JCAD: variants seen among roughly 807,000 people sequenced by gnomAD.
JCAD encodes the protein junctional cadherin 5-associated protein.
A neutral mutation model predicts 98.0 loss-of-function variants in JCAD; 40 were observed. The ratio of observed to expected loss-of-function variants is 0.41; its 90% CI spans 0.32 to 0.53. JCAD has a LOEUF of 0.53. Ranked by LOEUF, JCAD falls within the 20% of genes least tolerant of loss-of-function variation. The pLI is 0.31. For missense variants in JCAD, 1,705 were observed against 1,738.1 expected (o/e 0.98, Z 0.34); for synonymous variants, 691 against 682.3 (o/e 1.01, Z -0.20).
At chr10:30,070,272 G>A (rs570843672) in intron 1 of JCAD, among the ~76,000 whole-genome samples, 1 of 152,256 alleles carries the variant, frequency 6.6e-6, no homozygotes, top group Non-Finnish European at 1.5e-5. Context: ...TGTCTCTGAG[G>A]CCCTGGTAAC....
intron 1 of JCAD, among the ~76,000 whole-genome samples, chr10:30,071,754 G>C (rs534804955): frequency 6.6e-6 from 1 of 152,130 alleles, no homozygotes; most frequent in East Asian, 1.9e-4. Flanking sequence ...CTCCAGCCTG[G>C]GAGACAGAGT....
chr10:30,027,849 T>C lies in JCAD; in HGVS notation c.2299A>G (p.Thr767Ala), dbSNP rs770495867. ...SPSSNSAFSR[T>A]SLSVDQAPTP... is the part of the protein sequence containing the mutation. ...GGTGCCTGGTCCACGGACAAGGAAG[T>C]CCTTGAGAACGCACTGTTGCTGGAT... Residue 767 changes from threonine (T) to alanine (A), a missense_variant, in exon 3 of 4, where the codon ACT becomes GCT. By Grantham distance (58) the Thr-to-Ala change is moderately conservative. Transcript: ENST00000375377. The C allele has an allele frequency of 6.2e-7, 1 of 1,614,228 alleles. No individual in the cohort carries two copies. Among genetic ancestry groups the C allele is most frequent in the Non-Finnish European group, 8.5e-7 (1 of 1,180,038 alleles).
chr10:30,070,231 A>G (rs1471125843), intron 1 of JCAD, among the ~76,000 whole-genome samples: 2 of 152,354 alleles, frequency 1.3e-5, no homozygotes, highest in African/African-American at 4.8e-5. Context: ...ATCCAAAGCC[A>G]GTGTCTTATC....
At chr10:30,074,592 GCT>G (rs1299425906) in intron 1 of JCAD, among the ~76,000 whole-genome samples, 4 of 152,208 alleles carry the variant, frequency 2.6e-5, no homozygotes, top group Non-Finnish European at 4.4e-5. Context: ...GAGATTGAGT[GCT>G]TTCAGTGTGG....
In JCAD at chr10:30,027,577, G is replaced by A; in HGVS notation, c.2571C>T (p.Ser857=). The change falls in exon 3 of 4, where the codon AGC becomes AGT. Residue 857 remains serine, a synonymous_variant. Transcript: ENST00000375377. ...ESSSSSSSSS[S]SSEESEAEPQ... is the part of the protein sequence containing the mutation. The stretch of plus-strand genomic sequence containing the variant: ...GCTCCGCCTCACTCTCCTCACTGCT[G>A]CTGCTGCTGCTGCTGCTGCTACTGC... The A allele has an allele frequency of 1.2e-6, 2 of 1,611,834 alleles. No homozygotes were observed. Among genetic ancestry groups the A allele is most frequent in the South Asian group, 2.2e-5 (2 of 91,010 alleles).
At chr10:30,098,595 C>G (rs991089643) in intron 1 of JCAD, among the ~76,000 whole-genome samples, 2 of 152,158 alleles carry the variant, frequency 1.3e-5, no homozygotes. Context: ...CTGGATTGTG[C>G]TCAATAAATG....
intron 1 of JCAD, among the ~76,000 whole-genome samples, chr10:30,076,848 G>T (rs903202058): frequency 4.6e-5 from 7 of 152,224 alleles, no homozygotes; most frequent in Admixed American, 2.6e-4. Context: ...AGAAACAAAA[G>T]ACATACTCTA....
In JCAD at chr10:30,047,753, TG is replaced by T. The variant is rs956200761; in HGVS notation, c.59del (p.Pro20GlnfsTer47). 2 of 1,614,182 alleles carry T rather than the reference TG, an allele frequency of 1.2e-6. No homozygotes were observed. Among genetic ancestry groups the T allele is most frequent in the South Asian group, 1.1e-5 (1 of 91,068 alleles). On this transcript the variant is annotated frameshift_variant, in exon 2 of 4. Coordinates refer to ENST00000375377, the MANE Select transcript of JCAD (RefSeq NM_020848.4). LOFTEE classifies it high-confidence loss of function. ...CCTTGGGGTTATCCTCGCGTGATGC[TG>T]GGGGGTCTCTTGACAGCTTGTATCC... ...SHGYKLSRDP[P>X]ASREDNPKGR...
intron 1 of JCAD, among the ~76,000 whole-genome samples, chr10:30,082,783 G>A (rs973909291): frequency 3.3e-5 from 5 of 149,890 alleles, no homozygotes; most frequent in African/African-American, 1.2e-4. Flanking sequence ...CCTGGGATGT[G>A]GAGGTTGCGG....
At position 30,026,151 on chromosome 10, in the gene JCAD, G is replaced by A; in HGVS notation, c.3997C>T (p.Pro1333Ser). 1.9e-6 allele frequency: 3 copies of A among 1,614,180 alleles called. No individual in the cohort carries two copies. The highest frequency in any genetic ancestry group is 2.5e-6 in the Non-Finnish European group (3 of 1,180,042). The change falls in exon 3 of 4, where the codon CCG (proline) becomes TCG (serine). Residue 1333 changes from proline (P) to serine (S), a missense_variant. Pro to Ser is a moderately conservative substitution (Grantham distance 74). This residue lies in a region of JCAD where 1,278 missense variants were observed against 1,243.1 expected (regional missense o/e 1.03). Coordinates refer to ENST00000375377, the MANE Select transcript of JCAD (RefSeq NM_020848.4). Reference sequence around the variant, plus strand: ...ATGCTCTTCTCCTTTTGTGCTGCCGGATGCTCCTTCTCTTCCCTGGAGATG... The same window carrying A: ...ATGCTCTTCTCCTTTTGTGCTGCCGAATGCTCCTTCTCTTCCCTGGAGATG... ...DSISREEKEH[P>S]AAQKEKSMDQ...
At chr10:30,091,100 G>A (rs1452390286) in intron 1 of JCAD, among the ~76,000 whole-genome samples, 1 of 152,206 alleles carries the variant, frequency 6.6e-6, no homozygotes, top group Non-Finnish European at 1.5e-5. Context: ...CAACCGACTG[G>A]TACGTTTATG....
chr10:30,024,298 T>C (rs1427617424), intron 3 of JCAD, among the ~76,000 whole-genome samples: 1 of 152,226 alleles, frequency 6.6e-6, no homozygotes, highest in East Asian at 1.9e-4. Context: ...TTCAGGAAGA[T>C]GTAGGACTGA....
intron 1 of JCAD, among the ~76,000 whole-genome samples, chr10:30,050,458 C>G (rs1179345638): frequency 6.6e-6 from 1 of 151,872 alleles, no homozygotes; most frequent in Non-Finnish European, 1.5e-5. Flanking sequence ...TTAAAGTTAG[C>G]ATTAGGTCTC....
In JCAD at chr10:30,029,749, GT is replaced by G. The variant is rs1564445895; in HGVS notation, c.398del (p.Asn133ThrfsTer17). ...CTTGGGCCATTCCTCTGGCCTCCAG[GT>G]TTTCGTGCTCCCTCGGCTTCTGGCT... Reference protein sequence around the residue: ...ARSQKPREHENLEARGMAQAH... With the variant: ...ARSQKPREHEXLEARGMAQAH... On this transcript the variant is annotated frameshift_variant, in exon 3 of 4. Transcript: ENST00000375377. LOFTEE classifies it high-confidence loss of function. 1.2e-6 allele frequency: 2 copies of G among 1,614,230 alleles called. No homozygotes were observed.
At chr10:30,056,240 C>A (rs1287895137) in intron 1 of JCAD, among the ~76,000 whole-genome samples, 1 of 151,960 alleles carries the variant, frequency 6.6e-6, no homozygotes, top group Non-Finnish European at 1.5e-5. Flanking sequence ...TTAAACTTAC[C>A]CTTCTTTTGG....
intron 1 of JCAD, among the ~76,000 whole-genome samples, chr10:30,105,007 CT>C (rs1488789488): frequency 6.6e-6 from 1 of 152,120 alleles, no homozygotes; most frequent in Non-Finnish European, 1.5e-5. Flanking sequence ...AGGCTAGGAG[CT>C]TTTATTATTT....
At chr10:30,045,037 G>C (rs895035170) in intron 2 of JCAD, among the ~76,000 whole-genome samples, 3 of 152,100 alleles carry the variant, frequency 2.0e-5, no homozygotes, top group African/African-American at 7.2e-5. Flanking sequence ...CGAGAACTCT[G>C]TCATCTGTAT....
At chr10:30,094,946 T>G (rs1349481977) in intron 1 of JCAD, among the ~76,000 whole-genome samples, 1 of 152,180 alleles carries the variant, frequency 6.6e-6, no homozygotes, top group Admixed American at 6.5e-5. Context: ...GGACATCTAG[T>G]TCTCACCAGA....
At chr10:30,066,650 G>C (rs1204770799) in intron 2 of JCAD, among the ~76,000 whole-genome samples, 1 of 152,166 alleles carries the variant, frequency 6.6e-6, no homozygotes. Flanking sequence ...CCCTTGGGCT[G>C]CCTCTCCCAC....
Sources: gnomAD v4.1 joint callset for allele counts (sites outside exome capture counted in the v4.1 genomes callset) on GRCh38, gnomAD v4.1.1 for gene constraint, gnomAD v4.1.1 regional missense constraint, MANE v1.5 for transcripts, NCBI Gene and HGNC (gene_info 2026-07-23, HGNC 2026-07-21) for gene names.